DMXL1: variants seen among roughly 807,000 people sequenced by gnomAD.
DMXL1 encodes dmX-like protein 1.
A neutral mutation model predicts 319.2 loss-of-function variants in DMXL1; 99 were observed. That is an observed-to-expected ratio of 0.31 (90% CI 0.26 to 0.37). DMXL1 has a LOEUF of 0.37. DMXL1 is among the 10% of genes least tolerant of loss of function. DMXL1 has a pLI of 1.00. For synonymous variants in DMXL1, 1,385 were observed against 1,235.2 expected (o/e 1.12, Z -2.54); for missense variants, 3,745 against 3,595.6 (o/e 1.04, Z -1.06).
At chr5:119,147,604 A>T (rs184266297) in intron 17 of DMXL1, 134 bp downstream of exon 17, 47 of 608,276 alleles carry the variant, frequency 7.7e-5, no homozygotes, top group Non-Finnish European at 1.2e-4. Context: ...AAGTACCCTA[A>T]ATTGAAGACT....
intron 19 of DMXL1, among the ~76,000 whole-genome samples, chr5:119,156,025 A>G (rs912004739): frequency 6.6e-6 from 1 of 152,182 alleles, no homozygotes; most frequent in Non-Finnish European, 1.5e-5. Context: ...ACTGACTCCA[A>G]TTTTGAAAGA....
rs771742385 is a variant in DMXL1, at chr5:119,120,966, C to A, written c.934-5C>A. The stretch of plus-strand genomic sequence containing the variant: ...TAGGTATTAGTTTTGTTTCTATTCA[C>A]ACAGGTAAATCTGAGACATTTTCGT... On this transcript the variant is annotated splice_region_variant and splice_polypyrimidine_tract_variant and intron_variant, in intron 8 of 43. Transcript: ENST00000539542. The A allele has an allele frequency of 5.2e-5, 83 of 1,602,432 alleles. No homozygotes were observed. Among genetic ancestry groups the A allele is most frequent in the Non-Finnish European group, 6.6e-5 (78 of 1,176,072 alleles).
At chr5:119,205,897 A>T (rs1268482614) in intron 33 of DMXL1, among the ~76,000 whole-genome samples, 1 of 152,050 alleles carries the variant, frequency 6.6e-6, no homozygotes, top group East Asian at 1.9e-4. Flanking sequence ...AGTCACTGTG[A>T]TTTTCCAGAT....
intron 1 of DMXL1, among the ~76,000 whole-genome samples, chr5:119,089,279 T>TATATATATAC (rs1561549622): frequency 3.9e-5 from 1 of 25,424 alleles, no homozygotes; most frequent in Non-Finnish European, 8.5e-5. Context: ...TATATATACA[T>TATATATATAC]ATATATATAT....
intron 9 of DMXL1, chr5:119,126,702 G>A (rs116267818): frequency 0.014 from 2,151 of 153,202 alleles, 26 homozygotes; most frequent in Non-Finnish European, 0.018. Context: ...ATCTAACACT[G>A]ATGTCCAAGC....
intron 13 of DMXL1, among the ~76,000 whole-genome samples, chr5:119,141,873 G>C (rs954461519): frequency 6.6e-6 from 1 of 152,038 alleles, no homozygotes; most frequent in Non-Finnish European, 1.5e-5. Context: ...TATACTGCAG[G>C]GATACAGTAG....
In DMXL1 at chr5:119,129,199, T is replaced by C. The variant is rs1184627514; in HGVS notation, c.1103-12T>C. 6.6e-7 allele frequency: 1 copy of C among 1,520,174 alleles called. No individual in the cohort carries two copies. Among genetic ancestry groups the C allele is most frequent in the East Asian group, 2.3e-5 (1 of 43,686 alleles). 94.2% of individuals were successfully genotyped at this position (1,520,174 alleles called of 1,614,324 possible). A position where few individuals can be genotyped will look rare whatever the true frequency, so the allele number is the denominator to read the frequency against. ...GTAAAAATTTTAATTTTATCTTTTT[T>C]TTCTCTTATAGACATTCCACTTCTT... is the stretch of plus-strand genomic sequence containing the variant. On this transcript the variant is annotated splice_polypyrimidine_tract_variant and intron_variant, in intron 9 of 43. Transcript: ENST00000539542.
chr5:119,076,243 T>TAC (rs1750834036), intron 1 of DMXL1, among the ~76,000 whole-genome samples: 1 of 152,194 alleles, frequency 6.6e-6, no homozygotes, highest in Admixed American at 6.5e-5. Context: ...CAAAAGACTG[T>TAC]AATTATGTGA....
intron 13 of DMXL1, among the ~76,000 whole-genome samples, chr5:119,141,707 C>G (rs1316884308): frequency 6.6e-6 from 1 of 152,056 alleles, no homozygotes; most frequent in African/African-American, 2.4e-5. Flanking sequence ...TTTACAGATT[C>G]AATGCTATTC....
At chr5:119,162,345 C>T (rs1230111839) in intron 19 of DMXL1, among the ~76,000 whole-genome samples, 1 of 152,124 alleles carries the variant, frequency 6.6e-6, no homozygotes, top group Non-Finnish European at 1.5e-5. Context: ...TTTGGGGCTT[C>T]TATAACAAAT....
chr5:119,095,682 C>G (rs1365944242), intron 1 of DMXL1, among the ~76,000 whole-genome samples: 1 of 152,050 alleles, frequency 6.6e-6, no homozygotes, highest in African/African-American at 2.4e-5. Flanking sequence ...TCAGTATTCT[C>G]AAAATTTAAT....
intron 13 of DMXL1, among the ~76,000 whole-genome samples, chr5:119,137,120 G>T (rs886666166): frequency 6.6e-6 from 1 of 152,364 alleles, no homozygotes; most frequent in East Asian, 1.9e-4. Flanking sequence ...TCCCAAGGCC[G>T]TGGGAACCCA....
intron 9 of DMXL1, among the ~76,000 whole-genome samples, chr5:119,122,905 G>T (rs1053983345): frequency 6.6e-6 from 1 of 151,544 alleles, no homozygotes; most frequent in Non-Finnish European, 1.5e-5. Context: ...ATGGGGTGGC[G>T]GCCGGGCAGA....
Position 119,175,477 on chromosome 5 carries a change from T to G in DMXL1, c.6758+140T>G. The G allele has an allele frequency of 1.6e-5, 9 of 579,892 alleles. No individual in the cohort carries two copies. The South Asian group carries it at 2.2e-4, about 14-fold the overall frequency. The allele number at this position is 579,892 out of a possible 1,614,324, so 35.9% of individuals were successfully genotyped here. A position where few individuals can be genotyped will look rare whatever the true frequency, so the allele number is the denominator to read the frequency against. ...ATATGGTTGAGGTTTTGAGTACTTTTTGTTCATATTTGAAATTTTTATGGC... is the reference window on the plus strand; with the variant it reads ...ATATGGTTGAGGTTTTGAGTACTTTGTGTTCATATTTGAAATTTTTATGGC... On this transcript the variant is annotated intron_variant, in intron 26 of 43. Coordinates refer to ENST00000539542, the MANE Select transcript of DMXL1 (RefSeq NM_001290321.3).
chr5:119,177,020 A>G (rs1304574353), intron 26 of DMXL1, among the ~76,000 whole-genome samples: 1 of 152,160 alleles, frequency 6.6e-6, no homozygotes, highest in Non-Finnish European at 1.5e-5. Flanking sequence ...TAGGCTAGCC[A>G]TTATACATGA....
intron 13 of DMXL1, among the ~76,000 whole-genome samples, chr5:119,138,593 C>G (rs1766567316): frequency 6.6e-6 from 1 of 152,270 alleles, no homozygotes; most frequent in East Asian, 1.9e-4. Flanking sequence ...AGTCCCAGCA[C>G]TTTTGGAGGC....
intron 1 of DMXL1, among the ~76,000 whole-genome samples, chr5:119,088,631 T>C (rs1168764377): frequency 2.0e-5 from 3 of 152,204 alleles, no homozygotes; most frequent in Non-Finnish European, 4.4e-5. Context: ...ACTTTGTTAC[T>C]GTTTATTTTT....
At chr5:119,241,302 C>T (rs1212035862) in intron 42 of DMXL1, among the ~76,000 whole-genome samples, 9 of 151,928 alleles carry the variant, frequency 5.9e-5, no homozygotes, top group Admixed American at 2.6e-4. Flanking sequence ...GAGGCCAAGG[C>T]GGGTGGATCA....
chr5:119,220,079 T>C (rs1238149505), intron 35 of DMXL1, among the ~76,000 whole-genome samples: 1 of 151,980 alleles, frequency 6.6e-6, no homozygotes, highest in Admixed American at 6.6e-5. Context: ...TAATTAATAA[T>C]TATGTTTTTA....
Sources: allele counts gnomAD v4.1 joint callset (sites outside exome capture counted in the v4.1 genomes callset), GRCh38; gene constraint gnomAD v4.1.1; transcripts MANE v1.5; gene names NCBI Gene and HGNC (gene_info 2026-07-23, HGNC 2026-07-21).